The following GNB5 variants were observed in gnomAD, a reference collection of about 807,000 sequenced individuals.
GNB5 encodes the protein G protein subunit beta 5.
Under a neutral mutation model 55.3 loss-of-function variants are expected in GNB5, and 37 were observed. The observed-to-expected ratio is 0.67, with a 90% CI of 0.51 to 0.88. The LOEUF is 0.88. Among genes scored for constraint, GNB5 ranks in the 40% least tolerant of loss-of-function variants. The pLI is 0.00. For missense variants in GNB5, 476 were observed against 515.3 expected (o/e 0.92, Z 0.74); for synonymous variants, 219 against 198.5 (o/e 1.10, Z -0.87).
chr15:52,117,102 A>ATATATATTTTTTTT lies in GNB5; in HGVS notation c.*5654_*5655insAAAAAAAATATATA. On this transcript the variant is annotated 3_prime_UTR_variant, in exon 13 of 13. Coordinates refer to ENST00000261837, the MANE Select transcript of GNB5 (RefSeq NM_016194.4). ...CCACGCCCAGCTAATATATATATAT[A>ATATATATTTTTTTT]TTTTTTTTTAGTACAGACAGGGTTT... 3.4e-5 allele frequency: 3 copies of ATATATATTTTTTTT among 87,100 alleles called. No individual in the cohort carries two copies. Among genetic ancestry groups the ATATATATTTTTTTT allele is most frequent in the African/African-American group, 1.8e-4 (3 of 16,418 alleles). The allele number at this position is 87,100 out of a possible 1,614,324, so 5.4% of individuals were successfully genotyped here. A position where few individuals can be genotyped will look rare whatever the true frequency, so the allele number is the denominator to read the frequency against.
intron 3 of GNB5, among the ~76,000 whole-genome samples, chr15:52,159,360 T>A (rs1029243038): frequency 1.3e-5 from 2 of 152,132 alleles, no homozygotes; most frequent in African/African-American, 4.8e-5. Context: ...TCCTCTTCTT[T>A]GGCAGCCCCC....
intron 3 of GNB5, among the ~76,000 whole-genome samples, chr15:52,177,027 CCT>C (rs2034663090): frequency 1.7e-5 from 2 of 120,438 alleles, no homozygotes; most frequent in South Asian, 5.3e-4. Context: ...CCTAGCTCCT[CCT>C]TTTTTTTTTT....
At chr15:52,150,560 G>A (rs2034070944) in intron 4 of GNB5, among the ~76,000 whole-genome samples, 1 of 152,190 alleles carries the variant, frequency 6.6e-6, no homozygotes, top group African/African-American at 2.4e-5. Context: ...AGAACAACAT[G>A]CGATATGCAC....
chr15:52,139,696 C>G (rs929825069), intron 7 of GNB5: 6 of 701,678 alleles, frequency 8.6e-6, no homozygotes, highest in African/African-American at 1.9e-5. Context: ...CTGTCTGCCT[C>G]CAGAGCCACC....
chr15:52,158,567 CAG>C (rs1366112861), intron 3 of GNB5, among the ~76,000 whole-genome samples: 1 of 152,136 alleles, frequency 6.6e-6, no homozygotes, highest in Non-Finnish European at 1.5e-5. Flanking sequence ...ACCAATTTAA[CAG>C]GGCACGCTCA....
chr15:52,127,817 A>C (rs1411408998), intron 10 of GNB5, among the ~76,000 whole-genome samples: 1 of 140,070 alleles, frequency 7.1e-6, no homozygotes, highest in Non-Finnish European at 1.5e-5. Flanking sequence ...TTTAACAGAA[A>C]AAAAAAAAAA....
chr15:52,154,870 T>C (rs1314416392), intron 3 of GNB5, among the ~76,000 whole-genome samples: 3 of 152,300 alleles, frequency 2.0e-5, no homozygotes, highest in South Asian at 2.1e-4. Context: ...AGAAAGGAGA[T>C]CCAAAAGTCA....
At position 52,179,852 on chromosome 15, in the gene GNB5, C is replaced by G. The variant is rs1332666675; in HGVS notation, c.154G>C (p.Glu52Gln). 1 of 1,552,008 alleles carries G rather than the reference C, an allele frequency of 6.4e-7. No homozygotes were observed. Among genetic ancestry groups the G allele is most frequent in the Non-Finnish European group, 8.7e-7 (1 of 1,150,456 alleles). The change falls in exon 3 of 13, where the codon GAG (glutamate) becomes CAG (glutamine). Residue 52 changes from glutamate to glutamine, a missense_variant. Coordinates refer to ENST00000261837, the MANE Select transcript of GNB5 (RefSeq NM_016194.4). ...TCGCTCTTCAGCGACGCCAGCGTCTCGTTCTCGTGCAGCCCCTCGGTTGCC... is the reference window on the plus strand; with the variant it reads ...TCGCTCTTCAGCGACGCCAGCGTCTGGTTCTCGTGCAGCCCCTCGGTTGCC... ...IMATEGLHEN[E>Q]TLASLKSEAE...
chr15:52,124,616 T>C lies in GNB5; in HGVS notation c.1033A>G (p.Asn345Asp), dbSNP rs2033372700. ...LSGRLLFAGY[N>D]DYTINVWDVL... ...TCCCAGACGTTGATAGTGTAATCAT[T>C]GTATCCAGCAAACAGCAGGCGACCT... is the stretch of plus-strand genomic sequence containing the variant. The change falls in exon 12 of 13, where the codon AAT (asparagine) becomes GAT (aspartate). Residue 345 changes from asparagine (N) to aspartate (D), a missense_variant. Physicochemically the swap from Asn to Asp is conservative, Grantham distance 23. Coordinates refer to ENST00000261837, the MANE Select transcript of GNB5 (RefSeq NM_016194.4). 1 of 1,613,890 alleles carries C rather than the reference T, an allele frequency of 6.2e-7. No individual in the cohort carries two copies. The highest frequency in any genetic ancestry group is 8.5e-7 in the Non-Finnish European group (1 of 1,179,934).
chr15:52,145,550 CAGA>C (rs544132321), intron 6 of GNB5, among the ~76,000 whole-genome samples: 1,731 of 152,112 alleles, frequency 0.011, 13 homozygotes, highest in Non-Finnish European at 0.017. Context: ...GAGGCTGAGG[CAGA>C]AGAATTGCTT....
chr15:52,176,192 G>A (rs1283532368), intron 3 of GNB5, among the ~76,000 whole-genome samples: 1 of 152,158 alleles, frequency 6.6e-6, no homozygotes, highest in African/African-American at 2.4e-5. Flanking sequence ...GTCCTCCCCA[G>A]CCTCACCAGA....
intron 1 of GNB5, among the ~76,000 whole-genome samples, chr15:52,190,333 G>T (rs1870173563): frequency 6.6e-6 from 1 of 151,992 alleles, no homozygotes; most frequent in Non-Finnish European, 1.5e-5. Flanking sequence ...TAACCAGGAT[G>T]CTCTCAATCT....
chr15:52,143,687 C>T (rs1184944978), intron 6 of GNB5, among the ~76,000 whole-genome samples: 1 of 152,146 alleles, frequency 6.6e-6, no homozygotes, highest in Non-Finnish European at 1.5e-5. Context: ...CCATTATTAC[C>T]TACAATGACT....
intron 5 of GNB5, among the ~76,000 whole-genome samples, chr15:52,148,758 C>A (rs2034031087): frequency 6.6e-6 from 1 of 152,166 alleles, no homozygotes; most frequent in Admixed American, 6.5e-5. Context: ...ATACTATTGT[C>A]GATAGCAGCC....
intron 1 of GNB5, among the ~76,000 whole-genome samples, chr15:52,190,778 T>TAAAAAAAAAAAAAAAAAAA (rs58614125): frequency 6.2e-5 from 6 of 96,932 alleles, no homozygotes; most frequent in African/African-American, 2.6e-4. Flanking sequence ...CTTATTTCCT[T>TAAAAAAAAAAAAAAAAAAA]AAAAAAAAAA....
At position 52,121,516 on chromosome 15, in the gene GNB5, G is replaced by A. The variant is rs1412144285; in HGVS notation, c.*1241C>T. 2.0e-3 allele frequency: 2 copies of A among 982 alleles called. No individual in the cohort carries two copies. Among genetic ancestry groups the A allele is most frequent in the African/African-American group, 4.5e-3 (1 of 222 alleles). The allele number at this position is 982 out of a possible 1,614,324, so 0.1% of individuals were successfully genotyped here. On this transcript the variant is annotated 3_prime_UTR_variant, in exon 13 of 13. Transcript: ENST00000261837. ...AAAGAGAAGATCTTCTTTTAATATC[G>A]TTTTTCTATGTAAGAGGAGCAGACG...
At position 52,153,931 on chromosome 15, in the gene GNB5, G is replaced by A. The variant is rs1432765886; in HGVS notation, c.375+9C>T. On this transcript the variant is annotated intron_variant, in intron 4 of 12. Transcript: ENST00000261837. ...CCCGCTCACCTGTTATGCAGCAGGT[G>A]TGACATACCTGTGACGAGCTCACGA... 1.9e-6 allele frequency: 3 copies of A among 1,608,476 alleles called. No individual in the cohort carries two copies. Among genetic ancestry groups the A allele is most frequent in the Non-Finnish European group, 2.6e-6 (3 of 1,175,730 alleles).
At chr15:52,158,297 A>G (rs1490285270) in intron 3 of GNB5, among the ~76,000 whole-genome samples, 1 of 152,126 alleles carries the variant, frequency 6.6e-6, no homozygotes, top group Admixed American at 6.5e-5. Context: ...GGTTGCGGGG[A>G]CAACTATTCA....
intron 3 of GNB5, among the ~76,000 whole-genome samples, chr15:52,166,079 T>TA (rs746660746): frequency 9.2e-5 from 14 of 152,068 alleles, no homozygotes; most frequent in East Asian, 1.9e-4. Context: ...CCAACAAAGA[T>TA]AAAAAAAGAC....
Sources: gnomAD v4.1 joint callset for allele counts (sites outside exome capture counted in the v4.1 genomes callset) on GRCh38, gnomAD v4.1.1 for gene constraint, MANE v1.5 for transcripts, NCBI Gene and HGNC (gene_info 2026-07-23, HGNC 2026-07-21) for gene names.